The following PRRG1 variants were observed in gnomAD, a reference collection of about 807,000 sequenced individuals.
PRRG1 encodes proline rich and Gla domain 1.
In PRRG1, 5 loss-of-function variants were observed where a neutral mutation model predicts 11.8. The ratio of observed to expected loss-of-function variants is 0.42; its 90% CI spans 0.22 to 0.89. The LOEUF (loss-of-function observed/expected upper bound fraction) is 0.89, where lower values mean the gene tolerates loss of function less well. PRRG1 is among the 40% of genes least tolerant of loss of function. The pLI, the probability that PRRG1 is intolerant of heterozygous loss-of-function variation, is 0.28. For synonymous variants in PRRG1, 66 were observed against 60.4 expected (o/e 1.09, Z -0.43); for missense variants, 155 against 166.1 (o/e 0.93, Z 0.37).
chrX:37,430,713 C>T (rs376915810), intron 3 of PRRG1, among the ~76,000 whole-genome samples: 2 of 111,328 alleles, frequency 1.8e-5, no homozygotes, highest in Admixed American at 1.9e-4. Context: ...TACTCAGTTT[C>T]CCCCAATGGT....
At chrX:37,404,791 T>C (rs1932135773) in intron 1 of PRRG1, among the ~76,000 whole-genome samples, 2 of 112,050 alleles carry the variant, frequency 1.8e-5, no homozygotes, top group African/African-American at 6.5e-5. Context: ...CTAAAGTTCC[T>C]TTCAACTCCA....
At chrX:37,355,357 TG>T (rs1411915928) in intron 1 of PRRG1, among the ~76,000 whole-genome samples, 1 of 111,564 alleles carries the variant, frequency 9.0e-6, no homozygotes, top group Non-Finnish European at 1.9e-5. Flanking sequence ...GATCTAGGCA[TG>T]AAAAAATTCC....
At chrX:37,416,991 G>A (rs1556385394) in intron 2 of PRRG1, among the ~76,000 whole-genome samples, 1 of 111,441 alleles carries the variant, frequency 9.0e-6, no homozygotes, top group Non-Finnish European at 1.9e-5. Flanking sequence ...ACCATATTGA[G>A]ATAGTTAGTG....
intron 3 of PRRG1, among the ~76,000 whole-genome samples, chrX:37,440,043 G>A (rs376352457): frequency 8.1e-5 from 9 of 110,526 alleles, no homozygotes; most frequent in East Asian, 2.8e-4. Flanking sequence ...CAAGTGATCC[G>A]CCTGCCTTCA....
At chrX:37,422,976 A>G (rs185366318) in intron 2 of PRRG1, among the ~76,000 whole-genome samples, 11 of 111,191 alleles carry the variant, frequency 9.9e-5, no homozygotes, top group African/African-American at 3.6e-4. Flanking sequence ...AATAGCCTCA[A>G]GCGAGTTCTT....
intron 1 of PRRG1, among the ~76,000 whole-genome samples, chrX:37,352,217 A>G (rs1255056153): frequency 8.9e-6 from 1 of 112,767 alleles, no homozygotes; most frequent in Non-Finnish European, 1.9e-5. Context: ...ATAAGTCAGA[A>G]TTGGCTACCT....
intron 3 of PRRG1, among the ~76,000 whole-genome samples, chrX:37,428,172 C>G (rs1420970987): frequency 3.6e-5 from 4 of 110,698 alleles, no homozygotes; most frequent in Non-Finnish European, 7.6e-5. Context: ...ACAGCCAAAC[C>G]ATATCATTCT....
At position 37,352,644 on chromosome X, in the gene PRRG1, T is replaced by C. The variant is rs146070000; in HGVS notation, c.-42+3249T>C. Among the ~76,000 whole-genome samples the C allele has an allele frequency of 9.3e-3, 1,046 of 111,981 alleles. 8 individuals are homozygous for C. The highest frequency in any genetic ancestry group is 0.051 in the South Asian group (136 of 2,674). On this transcript the variant is annotated intron_variant, in intron 1 of 3. Transcript: ENST00000378628. ...TTCTCAGGGTTCTGTTCAAAACTCT[T>C]TTTCTCACTGTATGCACAAGAGTCA... is the stretch of plus-strand genomic sequence containing the variant.
At chrX:37,448,479 A>T (rs1166644818) in intron 3 of PRRG1, among the ~76,000 whole-genome samples, 1 of 111,533 alleles carries the variant, frequency 9.0e-6, no homozygotes, top group Non-Finnish European at 1.9e-5. Context: ...TCCAGACCCT[A>T]TTCTCCTGCT....
At chrX:37,363,151 T>C (rs1556368094) in intron 1 of PRRG1, among the ~76,000 whole-genome samples, 4 of 111,942 alleles carry the variant, frequency 3.6e-5, no homozygotes, top group Non-Finnish European at 7.5e-5. Flanking sequence ...AGTAAGTACA[T>C]TGCAGTTCAA....
chrX:37,443,127 G>A (rs782764815), intron 3 of PRRG1, among the ~76,000 whole-genome samples: 1 of 111,540 alleles, frequency 9.0e-6, no homozygotes, highest in Non-Finnish European at 1.9e-5. Context: ...CTTGAACTGT[G>A]GTAGTGGCTG....
intron 3 of PRRG1, among the ~76,000 whole-genome samples, chrX:37,434,614 T>C (rs1445369630): frequency 8.9e-6 from 1 of 111,920 alleles, no homozygotes; most frequent in African/African-American, 3.2e-5. Context: ...CATTTCATCT[T>C]TTAGGCCTCA....
At chrX:37,416,266 C>T (rs1288599396) in intron 2 of PRRG1, among the ~76,000 whole-genome samples, 6 of 112,120 alleles carry the variant, frequency 5.4e-5, no homozygotes, top group Non-Finnish European at 1.1e-4. Flanking sequence ...CAGTTATCCA[C>T]TTCTAGAGTC....
intron 3 of PRRG1, among the ~76,000 whole-genome samples, chrX:37,437,113 C>T (rs898440236): frequency 5.3e-5 from 6 of 112,202 alleles, no homozygotes; most frequent in African/African-American, 1.3e-4. Flanking sequence ...ATTTAAAGTA[C>T]GTTTTTATTG....
rs1267554009 is a variant in PRRG1 at position 37,401,334 on chromosome X, G to A, written c.-41-4875G>A. Among the ~76,000 whole-genome samples the A allele has an allele frequency of 5.4e-3, 601 of 110,589 alleles. 2 individuals are homozygous for A. The highest frequency in any genetic ancestry group is 0.014 in the African/African-American group (427 of 30,349). On this transcript the variant is annotated intron_variant, in intron 1 of 3. Transcript: ENST00000378628. ...GGGATGCAAGGCTGGTTCAATATAC[G>A]CAAATCAATAAATGTAATCCAGCAT...
At chrX:37,416,131 A>G (rs1311985751) in intron 2 of PRRG1, among the ~76,000 whole-genome samples, 1 of 112,339 alleles carries the variant, frequency 8.9e-6, no homozygotes, top group Admixed American at 9.4e-5. Context: ...CTCCTCAATG[A>G]AACTCCATTT....
intron 2 of PRRG1, among the ~76,000 whole-genome samples, chrX:37,424,271 G>A (rs1337589067): frequency 9.0e-6 from 1 of 111,101 alleles, no homozygotes; most frequent in Non-Finnish European, 1.9e-5. Context: ...ACTCTCATTA[G>A]GGTAGTGATT....
intron 1 of PRRG1, among the ~76,000 whole-genome samples, chrX:37,388,821 C>A (rs1931423135): frequency 8.9e-6 from 1 of 112,965 alleles, no homozygotes; most frequent in Admixed American, 9.3e-5. Flanking sequence ...AATTCTTCTC[C>A]TGAAAATTGA....
intron 1 of PRRG1, among the ~76,000 whole-genome samples, chrX:37,398,976 CTA>C (rs1469464340): frequency 5.3e-4 from 59 of 110,804 alleles, no homozygotes; most frequent in African/African-American, 1.8e-3. Flanking sequence ...AAATATGGGA[CTA>C]TGTGAAAAGA....
Sources: gnomAD v4.1 joint callset for allele counts (sites outside exome capture counted in the v4.1 genomes callset) on GRCh38, gnomAD v4.1.1 for gene constraint, MANE v1.5 for transcripts, NCBI Gene and HGNC (gene_info 2026-07-23, HGNC 2026-07-21) for gene names.